Variants in ZNF503 observed in about 807,000 individuals in gnomAD.
ZNF503 encodes the protein NocA-like zinc finger 2.
A neutral mutation model predicts 34.4 loss-of-function variants in ZNF503; 15 were observed. The observed-to-expected ratio is 0.44, with a 90% confidence interval of 0.29 to 0.67. ZNF503 has a LOEUF of 0.67. Ranked by LOEUF, ZNF503 falls within the 30% of genes least tolerant of loss-of-function variation. The pLI, the probability that ZNF503 is intolerant of heterozygous loss-of-function variation, is 0.13. For synonymous variants in ZNF503, 580 were observed against 456.8 expected (o/e 1.27, Z -3.44); for missense variants, 1,007 against 926.8 (o/e 1.09, Z -1.12).
chr10:75,382,576 A>G, the ZNF503 span: 1 of 456,338 alleles, frequency 2.2e-6, no homozygotes, highest in South Asian at 1.8e-5. Context: ...CAGATATTGG[A>G]GAGTTTTCTT....
At chr10:75,371,559 A>G in the ZNF503 span, among the ~76,000 whole-genome samples, 1 of 151,824 alleles carries the variant, frequency 6.6e-6, no homozygotes, top group Non-Finnish European at 1.5e-5. Flanking sequence ...TTGATTTCAC[A>G]CCCAGAGCCA....
chr10:75,311,300 C>T, the ZNF503 span, among the ~76,000 whole-genome samples: 1 of 152,190 alleles, frequency 6.6e-6, no homozygotes, highest in Non-Finnish European at 1.5e-5. Context: ...TGTGCCCACC[C>T]AGTTTGGGGG....
At chr10:75,367,598 T>TA in the ZNF503 span, among the ~76,000 whole-genome samples, 1 of 152,200 alleles carries the variant, frequency 6.6e-6, no homozygotes, top group Admixed American at 6.5e-5. Context: ...CCAAGATATG[T>TA]AAAATATAAC....
At position 75,399,957 on chromosome 10, in the gene ZNF503, C is replaced by T; in HGVS notation, c.733G>A (p.Ala245Thr). 1 of 1,606,340 alleles carries T rather than the reference C, an allele frequency of 6.2e-7. No homozygotes were observed. ...TCCTTGCCCTCCGGGGCACCCCCGG[C>T]CGAGGACAGCATACCTCCCGGCGAG... ...ACSPGGMLSSAGGAPEGKDDK... is the reference protein window; with the variant it reads ...ACSPGGMLSSTGGAPEGKDDK... The change falls in exon 2 of 2, where the codon GCC becomes ACC. Residue 245 changes from alanine to threonine, a missense_variant. Transcript: ENST00000372524.
chr10:75,300,022 G>T, the ZNF503 span, among the ~76,000 whole-genome samples: 1 of 152,182 alleles, frequency 6.6e-6, no homozygotes, highest in East Asian at 1.9e-4. Flanking sequence ...TATTAGGCAG[G>T]AATTTCCTCA....
the ZNF503 span, among the ~76,000 whole-genome samples, chr10:75,324,493 TA>T: frequency 6.6e-6 from 1 of 152,074 alleles, no homozygotes; most frequent in Admixed American, 6.6e-5. Flanking sequence ...CACACCTGGC[TA>T]ATTTTTAATT....
the ZNF503 span, among the ~76,000 whole-genome samples, chr10:75,392,428 G>T: frequency 6.6e-6 from 1 of 152,188 alleles, no homozygotes; most frequent in Non-Finnish European, 1.5e-5. Flanking sequence ...TGCAAAGTGA[G>T]GGAAAGATCG....
chr10:75,376,814 G>A, the ZNF503 span, among the ~76,000 whole-genome samples: 9 of 152,106 alleles, frequency 5.9e-5, no homozygotes, highest in African/African-American at 1.9e-4. Flanking sequence ...TCACTCAGGC[G>A]AAGGGGGAAG....
the ZNF503 span, among the ~76,000 whole-genome samples, chr10:75,378,493 G>T: frequency 6.6e-6 from 1 of 151,616 alleles, no homozygotes; most frequent in Admixed American, 6.6e-5. Context: ...CACCCACTCC[G>T]CACTTATCCA....
At chr10:75,307,403 A>T in the ZNF503 span, among the ~76,000 whole-genome samples, 1 of 152,250 alleles carries the variant, frequency 6.6e-6, no homozygotes, top group Non-Finnish European at 1.5e-5. Context: ...TGAGAGAGGT[A>T]AGGAAGCTGC....
At chr10:75,322,766 AG>A in the ZNF503 span, among the ~76,000 whole-genome samples, 1 of 152,144 alleles carries the variant, frequency 6.6e-6, no homozygotes, top group Admixed American at 6.6e-5. Flanking sequence ...GCTTGAGCCC[AG>A]GCATTTGAGG....
chr10:75,323,628 GAGC>G, the ZNF503 span, among the ~76,000 whole-genome samples: 1 of 152,050 alleles, frequency 6.6e-6, no homozygotes, highest in African/African-American at 2.4e-5. Context: ...TAATTGTGTT[GAGC>G]ATCTTTTCAT....
the ZNF503 span, among the ~76,000 whole-genome samples, chr10:75,329,548 C>T: frequency 6.6e-6 from 1 of 151,874 alleles, no homozygotes; most frequent in Non-Finnish European, 1.5e-5. Flanking sequence ...ACCTAATAGC[C>T]TTGACCTCCT....
the ZNF503 span, among the ~76,000 whole-genome samples, chr10:75,363,160 C>G: frequency 1.3e-5 from 2 of 152,266 alleles, no homozygotes; most frequent in East Asian, 3.9e-4. Context: ...TATGGAAGCC[C>G]AGCAGCCCAG....
At chr10:75,379,954 A>G in the ZNF503 span, among the ~76,000 whole-genome samples, 1 of 152,166 alleles carries the variant, frequency 6.6e-6, no homozygotes, top group Non-Finnish European at 1.5e-5. Flanking sequence ...TGCACGCCAC[A>G]CACCCACAGC....
the ZNF503 span, among the ~76,000 whole-genome samples, chr10:75,296,048 G>C: frequency 2.0e-5 from 3 of 152,310 alleles, no homozygotes; most frequent in Admixed American, 6.5e-5. Flanking sequence ...TAGTCAACAA[G>C]ACTACACTCG....
chr10:75,360,920 G>A, the ZNF503 span: 1 of 152,258 alleles, frequency 6.6e-6, no homozygotes. Flanking sequence ...CCTCAGACTA[G>A]TTGAAGGTAG....
the ZNF503 span, among the ~76,000 whole-genome samples, chr10:75,327,450 A>C: frequency 6.6e-6 from 1 of 152,206 alleles, no homozygotes; most frequent in African/African-American, 2.4e-5. Flanking sequence ...TTATGGCTCA[A>C]TAGTATTCCA....
the ZNF503 span, among the ~76,000 whole-genome samples, chr10:75,295,267 C>T: frequency 1.3e-5 from 2 of 151,840 alleles, no homozygotes; most frequent in East Asian, 2.0e-4. The surrounding 1 kb of genome is among the most constrained non-coding windows in gnomAD (Gnocchi z 4.0). Context: ...CCTCATGGGC[C>T]CCGGGGCGCC....
Sources: allele counts gnomAD v4.1 joint callset (sites outside exome capture counted in the v4.1 genomes callset), GRCh38; gene constraint gnomAD v4.1.1; non-coding constraint Gnocchi (gnomAD v3.1); transcripts MANE v1.5; gene names NCBI Gene and HGNC (gene_info 2026-07-23, HGNC 2026-07-21).